Variants in MECOM observed in about 807,000 individuals in gnomAD.
MECOM encodes the protein histone-lysine N-methyltransferase MECOM.
MECOM carries 13 observed loss-of-function variants against 116.3 expected under a neutral mutation model. That is an observed-to-expected ratio of 0.11 (90% CI 0.07 to 0.18). The LOEUF (loss-of-function observed/expected upper bound fraction) is 0.18. MECOM is among the 10% of genes least tolerant of loss of function. The pLI is 1.00. For missense variants in MECOM, 1,299 were observed against 1,509.0 expected, an observed-to-expected ratio of 0.86 and a Z score of 2.31; for synonymous variants, 528 against 535.2, an observed-to-expected ratio of 0.99 and a Z score of 0.19.
intron 1 of MECOM, among the ~76,000 whole-genome samples, chr3:169,443,707 C>T (rs1183558563): frequency 2.6e-5 from 4 of 152,150 alleles, no homozygotes; most frequent in African/African-American, 4.8e-5. Flanking sequence ...AATACTCTTC[C>T]GCTGTTTCCC....
intron 1 of MECOM, among the ~76,000 whole-genome samples, chr3:169,422,724 G>A (rs1014207507): frequency 6.6e-6 from 1 of 151,980 alleles, no homozygotes; most frequent in African/African-American, 2.4e-5. Context: ...CAGATCCCCT[G>A]AATCATATGC....
intron 1 of MECOM, among the ~76,000 whole-genome samples, chr3:169,556,461 C>CT (rs1488892082): frequency 6.6e-6 from 1 of 152,158 alleles, no homozygotes; most frequent in Non-Finnish European, 1.5e-5. Flanking sequence ...TTCATAATAT[C>CT]TTGAGTCATT....
In MECOM at chr3:169,122,567, A is replaced by C; in HGVS notation, c.978+13T>G. The C allele has an allele frequency of 6.2e-7, 1 of 1,613,898 alleles. No individual in the cohort carries two copies. The highest frequency in any genetic ancestry group is 8.5e-7 in the Non-Finnish European group (1 of 1,179,824). On this transcript the variant is annotated intron_variant, in intron 6 of 16. Coordinates refer to ENST00000651503, the MANE Select transcript of MECOM (RefSeq NM_004991.4). ...GACATAGAGAGGCCAAGTAGCCTAC[A>C]AATTCACTGTACCTTGGCACAGTTT...
chr3:169,393,082 GC>G (rs139607618), intron 1 of MECOM, among the ~76,000 whole-genome samples: 376 of 152,198 alleles, frequency 2.5e-3, no homozygotes, highest in African/African-American at 8.1e-3. Flanking sequence ...ACTGAAAAGG[GC>G]CCAGAAGTTC....
At chr3:169,228,105 T>A (rs1352244973) in intron 2 of MECOM, among the ~76,000 whole-genome samples, 11 of 152,192 alleles carry the variant, frequency 7.2e-5, no homozygotes, top group Non-Finnish European at 1.5e-5. Flanking sequence ...AGCAATCTGA[T>A]TACAACAGCC....
chr3:169,157,285 G>A (rs1742139922), intron 2 of MECOM, among the ~76,000 whole-genome samples: 1 of 152,118 alleles, frequency 6.6e-6, no homozygotes, highest in Admixed American at 6.5e-5. Context: ...CTTATACTTG[G>A]TTATGATGTC....
intron 1 of MECOM, among the ~76,000 whole-genome samples, chr3:169,459,923 G>A (rs552399325): frequency 2.0e-4 from 31 of 152,202 alleles, no homozygotes; most frequent in African/African-American, 3.9e-4. Flanking sequence ...TATACACCCC[G>A]AAAGACTAAA....
intron 2 of MECOM, among the ~76,000 whole-genome samples, chr3:169,302,307 C>G (rs933012567): frequency 6.6e-6 from 1 of 152,174 alleles, no homozygotes; most frequent in East Asian, 1.9e-4. Flanking sequence ...GCCAATGCTC[C>G]AGGGCAGGCA....
At chr3:169,330,925 A>G (rs1421145866) in intron 2 of MECOM, among the ~76,000 whole-genome samples, 1 of 152,106 alleles carries the variant, frequency 6.6e-6, no homozygotes, top group African/African-American at 2.4e-5. Flanking sequence ...TGTAAGTTAT[A>G]GAGCTATAAA....
intron 8 of MECOM, among the ~76,000 whole-genome samples, chr3:169,114,480 A>G (rs1032868700): frequency 3.9e-5 from 6 of 152,218 alleles, no homozygotes; most frequent in Admixed American, 3.3e-4. Context: ...GAATTAAATA[A>G]TAGCACATTT....
rs147638384 is a variant in MECOM, at chr3:169,245,714, A to C, written c.376-101882T>G. Reference sequence around the variant, plus strand: ...TATAGAAATAGTATTGGATTTCCACACTTCCCTACATAATCCTCAAATTCT... The same window carrying C: ...TATAGAAATAGTATTGGATTTCCACCCTTCCCTACATAATCCTCAAATTCT... On this transcript the variant is annotated intron_variant, in intron 2 of 16. Coordinates refer to ENST00000651503, the MANE Select transcript of MECOM (RefSeq NM_004991.4). Among the ~76,000 whole-genome samples the C allele has an allele frequency of 5.3e-3, 807 of 152,282 alleles. 12 individuals carry two copies. The highest frequency in any genetic ancestry group is 0.019 in the African/African-American group (777 of 41,574).
intron 2 of MECOM, among the ~76,000 whole-genome samples, chr3:169,362,574 G>A (rs950788092): frequency 6.6e-6 from 1 of 151,940 alleles, no homozygotes; most frequent in African/African-American, 2.4e-5. Flanking sequence ...TGGGGGCTAG[G>A]AGTAAAGGCC....
At chr3:169,146,638 G>C in intron 2 of MECOM, 1 of 1,365,220 alleles carries the variant, frequency 7.3e-7, no homozygotes, top group Non-Finnish European at 9.7e-7. Flanking sequence ...CCGTAGAAAC[G>C]GTGCCCCGGC....
At chr3:169,406,270 G>A (rs546837346) in intron 1 of MECOM, among the ~76,000 whole-genome samples, 4 of 152,266 alleles carry the variant, frequency 2.6e-5, no homozygotes, top group Middle Eastern at 3.4e-3. Context: ...CCTGTTCCTG[G>A]CACTGTCACT....
intron 2 of MECOM, among the ~76,000 whole-genome samples, chr3:169,144,690 G>C (rs950673492): frequency 6.6e-6 from 1 of 152,036 alleles, no homozygotes; most frequent in Non-Finnish European, 1.5e-5. Flanking sequence ...AAGCTATTCT[G>C]ATTCACTAAC....
Position 169,378,466 on chromosome 3 carries a change from CAAGCAAGCAAGAAA to C in MECOM, c.375+2707_375+2720del, listed in dbSNP as rs1211482541. 4.2e-3 allele frequency among the ~76,000 whole-genome samples: 187 copies of C among 44,872 alleles called. 37 individuals are homozygous for C. The highest frequency in any genetic ancestry group is 0.023 in the African/African-American group (177 of 7,672). The allele number at this position is 44,872 out of a possible 152,430, so 29.4% of individuals were successfully genotyped here. ...GAAAGAAAGAAGGAAAGCAAGCAAG[CAAGCAAGCAAGAAA>C]GAGAGAGAGAAAGAAAGAAAGAAAG... On this transcript the variant is annotated intron_variant, in intron 2 of 16. Transcript: ENST00000651503.
intron 1 of MECOM, among the ~76,000 whole-genome samples, chr3:169,548,179 T>TCA (rs941734002): frequency 1.3e-5 from 2 of 151,938 alleles, no homozygotes; most frequent in Non-Finnish European, 2.9e-5. Flanking sequence ...TCAAAGGAAG[T>TCA]CACACACACA....
chr3:169,402,415 T>G (rs1467625910), intron 1 of MECOM, among the ~76,000 whole-genome samples: 1 of 152,154 alleles, frequency 6.6e-6, no homozygotes, highest in Non-Finnish European at 1.5e-5. Context: ...TTCCCTTGCT[T>G]GAAGGAAACC....
chr3:169,169,818 A>T (rs1412899512), intron 2 of MECOM, among the ~76,000 whole-genome samples: 3 of 150,610 alleles, frequency 2.0e-5, no homozygotes, highest in African/African-American at 7.4e-5. Flanking sequence ...TCTATATGAG[A>T]GCAGTTCTAC....
Sources: gnomAD v4.1 joint callset for allele counts (sites outside exome capture counted in the v4.1 genomes callset) on GRCh38, gnomAD v4.1.1 for gene constraint, MANE v1.5 for transcripts, NCBI Gene and HGNC (gene_info 2026-07-23, HGNC 2026-07-21) for gene names.